B3GALT1: variants seen among roughly 807,000 people sequenced by gnomAD.
B3GALT1 encodes beta-1,3-galactosyltransferase 1.
Under a neutral mutation model 23.2 loss-of-function variants are expected in B3GALT1, and 10 were observed. The ratio of observed to expected loss-of-function variants is 0.43; its 90% CI spans 0.27 to 0.73. The LOEUF is 0.73. Among genes scored for constraint, B3GALT1 ranks in the 30% least tolerant of loss-of-function variants. The pLI is 0.21. For missense variants in B3GALT1, 299 were observed against 405.4 expected, an observed-to-expected ratio of 0.74 and a Z score of 2.25; for synonymous variants, 156 against 141.5, an observed-to-expected ratio of 1.10 and a Z score of -0.73.
chr2:167,717,435 C>T (rs1450373886), intron 3 of B3GALT1, among the ~76,000 whole-genome samples: 7 of 152,086 alleles, frequency 4.6e-5, no homozygotes, highest in African/African-American at 1.4e-4. Context: ...TGCTATCCCT[C>T]CCCCTACTAT....
At chr2:167,649,986 C>CT (rs1420190427) in intron 3 of B3GALT1, among the ~76,000 whole-genome samples, 1 of 151,686 alleles carries the variant, frequency 6.6e-6, no homozygotes, top group Non-Finnish European at 1.5e-5. Context: ...GCATCTTTGT[C>CT]TTTTTCGTGA....
intron 3 of B3GALT1, among the ~76,000 whole-genome samples, chr2:167,779,262 G>A (rs187713397): frequency 8.0e-4 from 121 of 152,128 alleles, no homozygotes; most frequent in Non-Finnish European, 1.4e-3. Context: ...CCACGTAGCA[G>A]AAGAAAGACA....
chr2:167,860,105 A>G (rs1690070527), intron 4 of B3GALT1, among the ~76,000 whole-genome samples: 1 of 152,202 alleles, frequency 6.6e-6, no homozygotes, highest in Non-Finnish European at 1.5e-5. Context: ...CCATATGCCA[A>G]ATTAATGCAG....
chr2:167,631,604 T>G (rs553920425), intron 2 of B3GALT1: 4 of 151,764 alleles, frequency 2.6e-5, no homozygotes, highest in African/African-American at 7.2e-5. Flanking sequence ...AAGTACAGAT[T>G]GTTTAAATAG....
At chr2:167,715,565 G>A (rs1218804186) in intron 3 of B3GALT1, 2 of 1,613,736 alleles carry the variant, frequency 1.2e-6, no homozygotes, top group Non-Finnish European at 1.7e-6. Context: ...TGAAATATCT[G>A]CCATCAGTTC....
At chr2:167,559,029 C>T (rs984699584) in intron 2 of B3GALT1, among the ~76,000 whole-genome samples, 20 of 152,220 alleles carry the variant, frequency 1.3e-4, no homozygotes, top group Admixed American at 2.6e-4. Context: ...TGACCCATGT[C>T]CCCTGAGCAG....
chr2:167,707,394 A>G lies in B3GALT1; in HGVS notation c.-352+60428A>G, dbSNP rs140556035. ...TGGTTTAAAACAACACAATTTTACT[A>G]TCTTTCCATTCCGTAGGGTAGAAGT... is the stretch of plus-strand genomic sequence containing the variant. On this transcript the variant is annotated intron_variant, in intron 3 of 4. Transcript: ENST00000392690. Among the ~76,000 whole-genome samples the G allele has an allele frequency of 2.9e-3, 440 of 152,234 alleles. 1 individual carries two copies. Among genetic ancestry groups the G allele is most frequent in the Non-Finnish European group, 4.5e-3 (307 of 67,988 alleles).
chr2:167,632,880 G>A (rs1253246297), intron 2 of B3GALT1, among the ~76,000 whole-genome samples: 2 of 152,022 alleles, frequency 1.3e-5, no homozygotes, highest in East Asian at 1.9e-4. Flanking sequence ...CCATGCCTAT[G>A]TCCTGAATGG....
intron 1 of B3GALT1, among the ~76,000 whole-genome samples, chr2:167,428,161 G>T (rs1333853365): frequency 6.6e-6 from 1 of 152,220 alleles, no homozygotes; most frequent in Non-Finnish European, 1.5e-5. Context: ...TTAGAGACAT[G>T]AGAAAATAAG....
At chr2:167,725,107 T>C (rs1003583285) in intron 3 of B3GALT1, among the ~76,000 whole-genome samples, 4 of 152,208 alleles carry the variant, frequency 2.6e-5, no homozygotes, top group African/African-American at 9.6e-5. Flanking sequence ...CAGGGGCATT[T>C]TAGCCCACAG....
chr2:167,316,781 T>G (rs958587167), intron 1 of B3GALT1, among the ~76,000 whole-genome samples: 1 of 152,120 alleles, frequency 6.6e-6, no homozygotes, highest in Non-Finnish European at 1.5e-5. Flanking sequence ...TTTATCTTTC[T>G]TCTGCATTTC....
intron 3 of B3GALT1, among the ~76,000 whole-genome samples, chr2:167,662,570 T>A (rs1686079379): frequency 6.6e-6 from 1 of 152,134 alleles, no homozygotes; most frequent in South Asian, 2.1e-4. Context: ...ATTTACTACC[T>A]CCCTGCTTCC....
At chr2:167,847,092 C>T (rs941953916) in intron 4 of B3GALT1, among the ~76,000 whole-genome samples, 5 of 152,082 alleles carry the variant, frequency 3.3e-5, no homozygotes, top group Admixed American at 6.6e-5. Flanking sequence ...TACTGGAGCT[C>T]CCAGATTTAT....
chr2:167,528,050 T>TTG (rs1683251783), intron 2 of B3GALT1, among the ~76,000 whole-genome samples: 1 of 152,152 alleles, frequency 6.6e-6, no homozygotes, highest in Admixed American at 6.6e-5. Flanking sequence ...TGTTGCAATA[T>TTG]ACCATCAAGA....
At chr2:167,469,433 AATTTGG>A (rs1699393748) in intron 1 of B3GALT1, among the ~76,000 whole-genome samples, 1 of 152,200 alleles carries the variant, frequency 6.6e-6, no homozygotes, top group Non-Finnish European at 1.5e-5. Context: ...GGAAAAACAA[AATTTGG>A]ACTATGAAAT....
chr2:167,751,200 A>G (rs1273080099), intron 3 of B3GALT1, among the ~76,000 whole-genome samples: 26 of 152,324 alleles, frequency 1.7e-4, no homozygotes. Flanking sequence ...GCACATTACT[A>G]AAGAAATAGT....
intron 1 of B3GALT1, among the ~76,000 whole-genome samples, chr2:167,400,794 T>A (rs992113786): frequency 2.0e-5 from 3 of 152,082 alleles, no homozygotes; most frequent in African/African-American, 7.2e-5. Flanking sequence ...CTTAATTGGG[T>A]GAATAGCTTA....
At chr2:167,376,596 T>C (rs1026058082) in intron 1 of B3GALT1, among the ~76,000 whole-genome samples, 1 of 152,134 alleles carries the variant, frequency 6.6e-6, no homozygotes, top group African/African-American at 2.4e-5. Context: ...GAAATTTATC[T>C]GTTTCTTGTA....
At chr2:167,350,015 A>G (rs1322549299) in intron 1 of B3GALT1, among the ~76,000 whole-genome samples, 3 of 152,232 alleles carry the variant, frequency 2.0e-5, no homozygotes, top group African/African-American at 4.8e-5. Flanking sequence ...TCTGATGTCA[A>G]TGCAAATAAA....
Sources: gnomAD v4.1 joint callset for allele counts (sites outside exome capture counted in the v4.1 genomes callset) on GRCh38, gnomAD v4.1.1 for gene constraint, MANE v1.5 for transcripts, NCBI Gene and HGNC (gene_info 2026-07-23, HGNC 2026-07-21) for gene names.